OR4N2: variants seen among roughly 807,000 people sequenced by gnomAD.
OR4N2 encodes the protein olfactory receptor 4N2.
For missense variants in OR4N2, 307 were observed against 377.6 expected, an observed-to-expected ratio of 0.81 and a Z score of 1.55; for synonymous variants, 141 against 140.4, an observed-to-expected ratio of 1.00 and a Z score of -0.03.
intron 1 of OR4N2, among the ~76,000 whole-genome samples, chr14:19,807,469 T>C (rs1176166004): frequency 6.6e-6 from 1 of 152,060 alleles, no homozygotes; most frequent in Admixed American, 6.6e-5. Flanking sequence ...GCATACAAAT[T>C]AGAAAATCTA....
At chr14:19,807,488 G>A (rs1286550202) in intron 1 of OR4N2, among the ~76,000 whole-genome samples, 1 of 151,902 alleles carries the variant, frequency 6.6e-6, no homozygotes. Context: ...TAGAAGAAAT[G>A]GATAAATTCA....
chr14:19,813,717 C>T lies in OR4N2; in HGVS notation c.-10+9873C>T, dbSNP rs574181579. ...ACTCACAAATTTTTGGAAAAGAAAT[C>T]TCATACCAGATGCCAGCTTTACATA... is the stretch of plus-strand genomic sequence containing the variant. On this transcript the variant is annotated intron_variant, in intron 1 of 1. Coordinates refer to ENST00000557677, the MANE Select transcript of OR4N2 (RefSeq NM_001004723.3). Among the ~76,000 whole-genome samples the T allele has an allele frequency of 1.1e-4, 17 of 152,274 alleles. No homozygotes were observed. In the South Asian group the frequency reaches 1.7e-3, roughly 15 times the overall value.
At chr14:19,821,627 A>C (rs913855366) in intron 1 of OR4N2, among the ~76,000 whole-genome samples, 1 of 152,216 alleles carries the variant, frequency 6.6e-6, no homozygotes, top group Admixed American at 6.5e-5. Context: ...TATGCTTCTG[A>C]ATAGGGTTCT....
intron 1 of OR4N2, among the ~76,000 whole-genome samples, chr14:19,814,860 C>T (rs149040159): frequency 0.013 from 1,929 of 151,538 alleles, 4 homozygotes; most frequent in Middle Eastern, 0.052. Flanking sequence ...TGGGATATTC[C>T]CCTCGCTGTT....
At chr14:19,808,150 A>C (rs1269725624) in intron 1 of OR4N2, among the ~76,000 whole-genome samples, 1 of 152,202 alleles carries the variant, frequency 6.6e-6, no homozygotes, top group Non-Finnish European at 1.5e-5. Flanking sequence ...AAAAGCTGGA[A>C]GTATTCCCCT....
chr14:19,819,451 G>T (rs914863370), intron 1 of OR4N2, among the ~76,000 whole-genome samples: 1 of 152,148 alleles, frequency 6.6e-6, no homozygotes, highest in African/African-American at 2.4e-5. Flanking sequence ...TCAATCCCTG[G>T]TATCCTTTCT....
At chr14:19,808,145 C>T (rs528141118) in intron 1 of OR4N2, among the ~76,000 whole-genome samples, 4 of 152,252 alleles carry the variant, frequency 2.6e-5, no homozygotes, top group Admixed American at 2.6e-4. Flanking sequence ...ATGGCAAAAG[C>T]TGGAAGTATT....
At chr14:19,822,294 A>T (rs1417070716) in intron 1 of OR4N2, 1 of 152,276 alleles carries the variant, frequency 6.6e-6, no homozygotes, top group Non-Finnish European at 1.5e-5. Flanking sequence ...ACCAAAAATC[A>T]TACAAATGAC....
In OR4N2 at chr14:19,809,209, A is replaced by G. The variant is rs528525368; in HGVS notation, c.-10+5365A>G. Among the ~76,000 whole-genome samples the G allele has an allele frequency of 6.6e-5, 10 of 152,358 alleles. No homozygotes were observed. The South Asian group carries it at 2.1e-3, about 32-fold the overall frequency. Reference sequence around the variant, plus strand: ...TTCACCATATACAAAAATCAACTCAAAATCGATTAAAGATTTAAATTTAAG... The same window carrying G: ...TTCACCATATACAAAAATCAACTCAGAATCGATTAAAGATTTAAATTTAAG... On this transcript the variant is annotated intron_variant, in intron 1 of 1. Coordinates refer to ENST00000557677, the MANE Select transcript of OR4N2 (RefSeq NM_001004723.3).
intron 1 of OR4N2, among the ~76,000 whole-genome samples, chr14:19,826,990 G>A (rs1161230511): frequency 5.9e-5 from 9 of 152,276 alleles, no homozygotes; most frequent in African/African-American, 2.2e-4. Flanking sequence ...GGAAGAAAAT[G>A]TCTAGGAAAA....
chr14:19,820,067 C>T (rs888333647), intron 1 of OR4N2, among the ~76,000 whole-genome samples: 7 of 152,226 alleles, frequency 4.6e-5, no homozygotes, highest in African/African-American at 1.4e-4. Flanking sequence ...AAGCTTTGTC[C>T]CAGAGGGGCA....
intron 1 of OR4N2, among the ~76,000 whole-genome samples, chr14:19,816,258 G>A (rs1443506074): frequency 6.6e-6 from 1 of 152,190 alleles, no homozygotes; most frequent in Non-Finnish European, 1.5e-5. Context: ...AGCTTGATGG[G>A]GATAGCATTG....
At chr14:19,810,643 A>G (rs1308719595) in intron 1 of OR4N2, among the ~76,000 whole-genome samples, 2 of 152,388 alleles carry the variant, frequency 1.3e-5, no homozygotes, top group East Asian at 1.9e-4. Flanking sequence ...TGTAGCCATA[A>G]AAACAATGAG....
chr14:19,805,341 G>A (rs1165776055), intron 1 of OR4N2, among the ~76,000 whole-genome samples: 1 of 152,158 alleles, frequency 6.6e-6, no homozygotes, highest in Non-Finnish European at 1.5e-5. Context: ...CCAATCCATG[G>A]AATCCAGCAA....
chr14:19,815,655 G>GT (rs59019427), intron 1 of OR4N2, among the ~76,000 whole-genome samples: 5,681 of 138,122 alleles, frequency 0.041, 42 homozygotes, highest in Non-Finnish European at 0.051. Context: ...GTTTTTTTTT[G>GT]TTTTTTTTTT....
intron 1 of OR4N2, among the ~76,000 whole-genome samples, chr14:19,817,455 G>A (rs1399319162): frequency 1.3e-5 from 2 of 152,186 alleles, no homozygotes; most frequent in African/African-American, 4.8e-5. Context: ...TCCATTTCTT[G>A]TAGATTTTCT....
intron 1 of OR4N2, among the ~76,000 whole-genome samples, chr14:19,820,968 AC>A (rs980872288): frequency 6.6e-6 from 1 of 152,202 alleles, no homozygotes; most frequent in African/African-American, 2.4e-5. Context: ...TCCAGGTGCC[AC>A]TGGGGTATGA....
intron 1 of OR4N2, among the ~76,000 whole-genome samples, chr14:19,826,766 A>G (rs185314976): frequency 6.6e-6 from 1 of 152,384 alleles, no homozygotes; most frequent in African/African-American, 2.4e-5. Flanking sequence ...GAGTGGCCAC[A>G]GGAGTGGTGC....
chr14:19,807,228 A>G (rs928712272), intron 1 of OR4N2, among the ~76,000 whole-genome samples: 2 of 152,026 alleles, frequency 1.3e-5, no homozygotes, highest in Non-Finnish European at 2.9e-5. Context: ...ATATAACTAC[A>G]AACAGAGAGA....
Sources: gnomAD v4.1 joint callset for allele counts (sites outside exome capture counted in the v4.1 genomes callset) on GRCh38, gnomAD v4.1.1 for gene constraint, MANE v1.5 for transcripts, NCBI Gene and HGNC (gene_info 2026-07-23, HGNC 2026-07-21) for gene names.